Variants in TMEM163 observed in about 807,000 individuals in gnomAD.
The protein encoded by TMEM163 is transmembrane protein 163.
Under a neutral mutation model 29.3 loss-of-function variants are expected in TMEM163, and 17 were observed. That is an observed-to-expected ratio of 0.58 (90% confidence interval 0.40 to 0.87). TMEM163 has a LOEUF of 0.87. TMEM163 is among the 40% of genes least tolerant of loss of function. The pLI, the probability that TMEM163 is intolerant of heterozygous loss-of-function variation, is 0.00. For missense variants in TMEM163, 303 were observed against 381.5 expected, an observed-to-expected ratio of 0.79 and a Z score of 1.71; for synonymous variants, 157 against 160.6, an observed-to-expected ratio of 0.98 and a Z score of 0.17.
intron 2 of TMEM163, among the ~76,000 whole-genome samples, chr2:134,595,638 C>G (rs1373186723): frequency 5.3e-5 from 8 of 152,120 alleles, no homozygotes; most frequent in Non-Finnish European, 8.8e-5. Flanking sequence ...CCCAGTAATT[C>G]GATGGCCGGG....
chr2:134,541,583 T>C (rs1474279053), intron 4 of TMEM163, among the ~76,000 whole-genome samples: 2 of 152,170 alleles, frequency 1.3e-5, no homozygotes, highest in Non-Finnish European at 2.9e-5. Context: ...CAGCATAAAA[T>C]TGCTAAAATA....
At chr2:134,605,269 C>A (rs10203582) in intron 2 of TMEM163, among the ~76,000 whole-genome samples, 87,366 of 151,804 alleles carry the variant, frequency 0.58, 25,847 homozygotes, top group Non-Finnish European at 0.63. Flanking sequence ...TTGGGCTTAG[C>A]AATTTTTCTG....
chr2:134,456,847 A>T (rs1686408943), intron 7 of TMEM163, 71 bp from the exon 8 acceptor site: 2 of 1,360,504 alleles, frequency 1.5e-6, no homozygotes, highest in African/African-American at 1.5e-5. Context: ...GCGTATTTTC[A>T]TTTTTTTTTT....
intron 4 of TMEM163, among the ~76,000 whole-genome samples, chr2:134,548,404 G>C (rs1680837045): frequency 6.6e-6 from 1 of 152,146 alleles, no homozygotes; most frequent in Admixed American, 6.5e-5. Flanking sequence ...CTAAAATATT[G>C]CATTAGTGGC....
chr2:134,532,614 A>C (rs1442468997), intron 4 of TMEM163, among the ~76,000 whole-genome samples: 1 of 152,238 alleles, frequency 6.6e-6, no homozygotes, highest in Admixed American at 6.5e-5. Flanking sequence ...CAGGTTAATT[A>C]TGCAAAGGGC....
intron 2 of TMEM163, among the ~76,000 whole-genome samples, chr2:134,698,759 T>C (rs1474954134): frequency 1.3e-5 from 2 of 152,236 alleles, no homozygotes; most frequent in African/African-American, 2.4e-5. Flanking sequence ...TTTCCCAACA[T>C]GTATTATGAT....
chr2:134,568,595 A>C (rs1681350870), intron 2 of TMEM163, among the ~76,000 whole-genome samples: 2 of 151,512 alleles, frequency 1.3e-5, no homozygotes, highest in Non-Finnish European at 2.9e-5. Flanking sequence ...AAGGAAAAGA[A>C]AAAGGAAAGA....
At chr2:134,621,610 G>T (rs1414657390) in intron 2 of TMEM163, among the ~76,000 whole-genome samples, 1 of 152,156 alleles carries the variant, frequency 6.6e-6, no homozygotes, top group Non-Finnish European at 1.5e-5. Context: ...CCCAATGTGG[G>T]CCGGGCGTGG....
Position 134,632,354 on chromosome 2 carries a change from T to C in TMEM163, c.323-80263A>G, listed in dbSNP as rs1682986170. On this transcript the variant is annotated intron_variant, in intron 2 of 7. Coordinates refer to ENST00000281924, the MANE Select transcript of TMEM163 (RefSeq NM_030923.5). Reference sequence around the variant, plus strand: ...ACTGGGCTTTCAAGCAGATAAGTGATATAAATGAGGAAAATTATTTCAACC... The same window carrying C: ...ACTGGGCTTTCAAGCAGATAAGTGACATAAATGAGGAAAATTATTTCAACC... Among the ~76,000 whole-genome samples, 5 of 152,310 alleles carry C rather than the reference T, an allele frequency of 3.3e-5. No homozygotes were observed. In the South Asian group the frequency reaches 1.0e-3, roughly 32 times the overall value.
intron 4 of TMEM163, among the ~76,000 whole-genome samples, chr2:134,518,605 ATCT>A (rs1363312913): frequency 1.3e-5 from 2 of 152,204 alleles, no homozygotes; most frequent in Non-Finnish European, 2.9e-5. Flanking sequence ...GCCACATCAC[ATCT>A]TCTTGGCCAG....
At chr2:134,482,437 G>A (rs887685772) in intron 5 of TMEM163, among the ~76,000 whole-genome samples, 6 of 152,116 alleles carry the variant, frequency 3.9e-5, no homozygotes, top group East Asian at 1.9e-4. Flanking sequence ...GCCAGCAAGC[G>A]GAATAGGAGG....
Position 134,645,374 on chromosome 2 carries a change from A to G in TMEM163, c.322+67826T>C, listed in dbSNP as rs201623447. On this transcript the variant is annotated intron_variant, in intron 2 of 7. Coordinates refer to ENST00000281924, the MANE Select transcript of TMEM163 (RefSeq NM_030923.5). ...TATTGTTTATGGCTGCATTTGTGCTATAAGAGTGGAGTGGAATAGCTGCAA... is the reference window on the plus strand; with the variant it reads ...TATTGTTTATGGCTGCATTTGTGCTGTAAGAGTGGAGTGGAATAGCTGCAA... Among the ~76,000 whole-genome samples the G allele has an allele frequency of 2.6e-5, 4 of 152,318 alleles. No individual in the cohort carries two copies. In the East Asian group the frequency reaches 7.7e-4, roughly 29 times the overall value.
intron 7 of TMEM163, 90 bp downstream of exon 7, chr2:134,457,942 A>G (rs1177539115): frequency 1.3e-6 from 2 of 1,584,960 alleles, no homozygotes. Context: ...TATGACCTTC[A>G]GAAGCCTGTC....
At chr2:134,613,697 A>C (rs1160346644) in intron 2 of TMEM163, among the ~76,000 whole-genome samples, 1 of 152,166 alleles carries the variant, frequency 6.6e-6, no homozygotes, top group African/African-American at 2.4e-5. Flanking sequence ...GGCAACTAAC[A>C]ACAAGCAAAT....
chr2:134,502,472 AG>A (rs2106487146), intron 5 of TMEM163, among the ~76,000 whole-genome samples: 1 of 152,362 alleles, frequency 6.6e-6, no homozygotes, highest in South Asian at 2.1e-4. Context: ...CAATTGTGCC[AG>A]AAAACCTAAC....
intron 4 of TMEM163, among the ~76,000 whole-genome samples, chr2:134,510,178 C>A (rs980163211): frequency 6.6e-6 from 1 of 151,936 alleles, no homozygotes; most frequent in Non-Finnish European, 1.5e-5. Context: ...TTTTAATGTA[C>A]CTCAGAAAAA....
intron 2 of TMEM163, among the ~76,000 whole-genome samples, chr2:134,671,114 T>G (rs1429333057): frequency 4.6e-5 from 7 of 152,242 alleles, no homozygotes; most frequent in African/African-American, 1.7e-4. Context: ...GGGGACTGCT[T>G]CTCCTTTCCT....
At chr2:134,540,646 C>A (rs183556195) in intron 4 of TMEM163, among the ~76,000 whole-genome samples, 48 of 152,314 alleles carry the variant, frequency 3.2e-4, no homozygotes, top group Admixed American at 1.2e-3. Flanking sequence ...TCAGAGCAAG[C>A]AAGGCCCCTG....
intron 2 of TMEM163, among the ~76,000 whole-genome samples, chr2:134,597,229 AG>A (rs2104807009): frequency 6.6e-6 from 1 of 152,360 alleles, no homozygotes; most frequent in South Asian, 2.1e-4. Context: ...TTGCACATTC[AG>A]CATGATATTG....
Sources: gnomAD v4.1 joint callset for allele counts (sites outside exome capture counted in the v4.1 genomes callset) on GRCh38, gnomAD v4.1.1 for gene constraint, MANE v1.5 for transcripts, NCBI Gene and HGNC (gene_info 2026-07-23, HGNC 2026-07-21) for gene names.